The following ERBB4 variants were observed in gnomAD, a reference collection of about 807,000 sequenced individuals.
ERBB4 encodes the protein erb-b2 receptor tyrosine kinase 4, also known as receptor tyrosine-protein kinase erbB-4.
In ERBB4, 42 loss-of-function variants were observed where a neutral mutation model predicts 158.0. That is an observed-to-expected ratio of 0.27 (90% CI 0.21 to 0.34). The LOEUF is 0.34. Among genes scored for constraint, ERBB4 ranks in the 10% least tolerant of loss-of-function variants. The probability of loss-of-function intolerance (pLI) is 1.00; values close to 1 mark genes in which losing one functional copy is unlikely to be tolerated. For synonymous variants in ERBB4, 583 were observed against 558.7 expected (o/e 1.04, Z -0.61); for missense variants, 1,333 against 1,624.1 (o/e 0.82, Z 3.08).
At chr2:212,171,480 T>G (rs1352781215) in intron 1 of ERBB4, among the ~76,000 whole-genome samples, 2 of 152,028 alleles carry the variant, frequency 1.3e-5, no homozygotes, top group East Asian at 3.9e-4. Context: ...AAAACGGATG[T>G]GAAATATTTG....
At chr2:212,252,167 C>T (rs886899541) in intron 1 of ERBB4, among the ~76,000 whole-genome samples, 1 of 151,982 alleles carries the variant, frequency 6.6e-6, no homozygotes, top group Non-Finnish European at 1.5e-5. Flanking sequence ...ACTGCGATGA[C>T]ATATAAATTT....
At chr2:212,342,380 T>A (rs537513410) in intron 1 of ERBB4, among the ~76,000 whole-genome samples, 1 of 152,076 alleles carries the variant, frequency 6.6e-6, no homozygotes, top group Admixed American at 6.6e-5. Flanking sequence ...TCTCATGAGA[T>A]CTGATGGTTC....
chr2:211,449,848 G>A (rs1054110710), intron 20 of ERBB4, among the ~76,000 whole-genome samples: 4 of 152,112 alleles, frequency 2.6e-5, no homozygotes, highest in African/African-American at 9.7e-5. Flanking sequence ...AGCCTCTAGA[G>A]GCTAACTAGG....
At chr2:212,072,365 G>A (rs761620736) in intron 2 of ERBB4, among the ~76,000 whole-genome samples, 21 of 152,024 alleles carry the variant, frequency 1.4e-4, no homozygotes, top group African/African-American at 2.2e-4. Context: ...AGGTAGTAGC[G>A]TAGAATGATG....
chr2:212,186,607 T>C lies in ERBB4; in HGVS notation c.83-61704A>G, dbSNP rs1432174958. On this transcript the variant is annotated intron_variant, in intron 1 of 27. Coordinates refer to ENST00000342788, the MANE Select transcript of ERBB4 (RefSeq NM_005235.3). Reference sequence around the variant, plus strand: ...TGGAGCAAAAGACTGTCAAACTATGTTCCTGTTCCTAAACGTCTTCAATAA... The same window carrying C: ...TGGAGCAAAAGACTGTCAAACTATGCTCCTGTTCCTAAACGTCTTCAATAA... 3.3e-5 allele frequency among the ~76,000 whole-genome samples: 5 copies of C among 152,268 alleles called. No homozygotes were observed. The East Asian group carries it at 9.6e-4, about 29-fold the overall frequency.
At chr2:212,081,480 T>TACCAATCACAATAGATCTAGCAAA (rs2078441685) in intron 2 of ERBB4, among the ~76,000 whole-genome samples, 1 of 152,108 alleles carries the variant, frequency 6.6e-6, no homozygotes, top group African/African-American at 2.4e-5. Context: ...AAATCAAGGG[T>TACCAATCACAATAGATCTAGCAAA]ACCAATCACA....
At chr2:211,865,678 A>G (rs1379739486) in intron 3 of ERBB4, among the ~76,000 whole-genome samples, 2 of 152,042 alleles carry the variant, frequency 1.3e-5, no homozygotes, top group East Asian at 3.9e-4. Context: ...CATCTCCCCA[A>G]ACATACTTTT....
chr2:211,387,223 C>T lies in ERBB4; in HGVS notation c.3184-73G>A, dbSNP rs1324762241. ...GTTTAAAAATGAATGTTAATAGCCA[C>T]AAGGATATCAAAGCCAGTCTTTCAG... On this transcript the variant is annotated intron_variant, in intron 26 of 27. Transcript: ENST00000342788. The T allele has an allele frequency of 5.1e-6, 6 of 1,178,036 alleles. No individual in the cohort carries two copies. In the East Asian group the frequency reaches 1.2e-4, roughly 23 times the overall value. The allele number at this position is 1,178,036 out of a possible 1,614,324, so 73.0% of individuals were successfully genotyped here.
intron 1 of ERBB4, among the ~76,000 whole-genome samples, chr2:212,505,239 GAC>G (rs1300973023): frequency 6.6e-6 from 1 of 152,152 alleles, no homozygotes; most frequent in Non-Finnish European, 1.5e-5. Flanking sequence ...GGGGATTAGA[GAC>G]ACACACCACC....
intron 9 of ERBB4, among the ~76,000 whole-genome samples, chr2:211,709,976 T>C (rs2073629755): frequency 6.6e-6 from 1 of 152,148 alleles, no homozygotes; most frequent in South Asian, 2.1e-4. Flanking sequence ...TTTTCATAAA[T>C]CCAAACTTTC....
chr2:211,969,055 G>A (rs566384350), intron 2 of ERBB4, among the ~76,000 whole-genome samples: 11 of 151,956 alleles, frequency 7.2e-5, no homozygotes, highest in African/African-American at 2.4e-4. Context: ...AAAACCACAG[G>A]ACACAAAATT....
intron 3 of ERBB4, among the ~76,000 whole-genome samples, chr2:211,942,439 C>A (rs13027169): frequency 0.56 from 85,121 of 151,384 alleles, 25,269 homozygotes; most frequent in Non-Finnish European, 0.66. Context: ...TCACTGCAGC[C>A]TCGACCTTCC....
chr2:211,565,619 T>C (rs1183773947), intron 19 of ERBB4, among the ~76,000 whole-genome samples: 1 of 152,168 alleles, frequency 6.6e-6, no homozygotes, highest in East Asian at 1.9e-4. Flanking sequence ...TTATCCCCTT[T>C]AACCGTCCCT....
At chr2:212,373,407 G>T (rs2090153249) in intron 1 of ERBB4, among the ~76,000 whole-genome samples, 1 of 151,888 alleles carries the variant, frequency 6.6e-6, no homozygotes, top group African/African-American at 2.4e-5. Context: ...AGCCATTTTT[G>T]CAGTCAATGA....
At chr2:212,474,885 G>A (rs959134368) in intron 1 of ERBB4, among the ~76,000 whole-genome samples, 1 of 128,930 alleles carries the variant, frequency 7.8e-6, no homozygotes, top group African/African-American at 3.2e-5. Flanking sequence ...CTCCTGATGG[G>A]CTCAAGGATT....
In ERBB4 at chr2:211,657,815, T is replaced by C. The variant is rs761677465; in HGVS notation, c.1885A>G (p.Thr629Ala). 11 of 1,614,002 alleles carry C rather than the reference T, an allele frequency of 6.8e-6. No homozygotes were observed. The South Asian group carries it at 1.1e-4, about 16-fold the overall frequency. The change falls in exon 16 of 28, where the codon ACT becomes GCT. Residue 629 changes from threonine to alanine, a missense_variant. By Grantham distance (58) the Thr-to-Ala change is moderately conservative. Coordinates refer to ENST00000342788, the MANE Select transcript of ERBB4 (RefSeq NM_005235.3). ...PNCTQGCNGP[T>A]SHDCIYYPWT... The stretch of plus-strand genomic sequence containing the variant: ...GGGTAGTAAATGCAGTCATGACTAG[T>C]GGGACCGTTACACCTGCAGGCAATT...
intron 2 of ERBB4, among the ~76,000 whole-genome samples, chr2:211,979,877 A>T (rs2118890): frequency 0.8 from 120,957 of 152,100 alleles, 49,143 homozygotes; most frequent in East Asian, 0.98. Flanking sequence ...TTATACATCT[A>T]TGCCCATTAT....
intron 12 of ERBB4, among the ~76,000 whole-genome samples, chr2:211,684,007 C>T (rs1427856478): frequency 7.9e-5 from 12 of 151,948 alleles, no homozygotes; most frequent in Non-Finnish European, 8.8e-5. Flanking sequence ...AATGTTTCTT[C>T]GTATTTTTGA....
At chr2:211,430,830 A>C in intron 21 of ERBB4, 115 bp downstream of exon 21, 1 of 922,574 alleles carries the variant, frequency 1.1e-6, no homozygotes. Flanking sequence ...TGGTAGAACC[A>C]AGGCTTAATA....
Sources: allele counts gnomAD v4.1 joint callset (sites outside exome capture counted in the v4.1 genomes callset), GRCh38; gene constraint gnomAD v4.1.1; transcripts MANE v1.5; gene names NCBI Gene and HGNC (gene_info 2026-07-23, HGNC 2026-07-21).